Variants in RIPOR2 observed in about 807,000 individuals in gnomAD.
RIPOR2 encodes RHO family interacting cell polarization regulator 2.
A neutral mutation model predicts 114.5 loss-of-function variants in RIPOR2; 39 were observed. The observed-to-expected ratio is 0.34, with a 90% confidence interval of 0.26 to 0.44. The LOEUF (loss-of-function observed/expected upper bound fraction) is 0.44, where lower values mean the gene tolerates loss of function less well. Ranked by LOEUF, RIPOR2 falls within the 20% of genes least tolerant of loss-of-function variation. The pLI is 1.00. For synonymous variants in RIPOR2, 445 were observed against 484.4 expected (o/e 0.92, Z 1.07); for missense variants, 1,007 against 1,255.1 (o/e 0.80, Z 2.99).
chr6:24,973,595 CAAA>C (rs61341684), intron 1 of RIPOR2, among the ~76,000 whole-genome samples: 6 of 129,338 alleles, frequency 4.6e-5, no homozygotes, highest in South Asian at 2.7e-4. Context: ...GACTGCATCT[CAAA>C]AAAAAAAAAA....
At chr6:24,926,367 A>G (rs1210428612) in intron 1 of RIPOR2, among the ~76,000 whole-genome samples, 1 of 152,202 alleles carries the variant, frequency 6.6e-6, no homozygotes, top group East Asian at 1.9e-4. Flanking sequence ...CCTCTACACA[A>G]TAAAACTGCC....
At chr6:24,872,750 G>A in intron 4 of RIPOR2, 131 bp downstream of exon 4, 2 of 590,594 alleles carry the variant, frequency 3.4e-6, no homozygotes, top group South Asian at 4.6e-5. Context: ...AAGACATACT[G>A]GGGGATGCAG....
At chr6:24,943,545 G>A (rs1260503491) in intron 1 of RIPOR2, among the ~76,000 whole-genome samples, 8 of 152,106 alleles carry the variant, frequency 5.3e-5, no homozygotes, top group Non-Finnish European at 8.8e-5. Context: ...CTGGGAAAAT[G>A]GCCAGTATCG....
chr6:24,866,334 C>T (rs1194357115), intron 6 of RIPOR2, among the ~76,000 whole-genome samples: 1 of 152,080 alleles, frequency 6.6e-6, no homozygotes, highest in African/African-American at 2.4e-5. Context: ...TCATATAAGC[C>T]TGATAATCAG....
intron 18 of RIPOR2, 40 bp from the exon 19 acceptor site, chr6:24,825,468 G>T: frequency 7.1e-7 from 1 of 1,400,878 alleles, no homozygotes; most frequent in Non-Finnish European, 9.9e-7. Flanking sequence ...GTTCTGACAT[G>T]CTAAAGTAAT....
chr6:25,016,987 C>T (rs780466876), intron 1 of RIPOR2, among the ~76,000 whole-genome samples: 2 of 152,162 alleles, frequency 1.3e-5, no homozygotes, highest in Non-Finnish European at 2.9e-5. Context: ...CCAGAGATTG[C>T]AAACCAGCAT....
chr6:24,963,309 A>G (rs1773388013), intron 1 of RIPOR2, among the ~76,000 whole-genome samples: 1 of 152,210 alleles, frequency 6.6e-6, no homozygotes, highest in African/African-American at 2.4e-5. Flanking sequence ...CTGGGATTAC[A>G]GGCATGAGTC....
chr6:24,910,765 G>A, intron 1 of RIPOR2: 2 of 972,606 alleles, frequency 2.1e-6, no homozygotes, highest in Non-Finnish European at 2.4e-6. Flanking sequence ...AGACCTCACC[G>A]CGTTGTACGC....
chr6:24,825,292 G>A lies in RIPOR2; in HGVS notation c.2802C>T (p.Asn934=), dbSNP rs185947117. ...TLALLLTRED[N]EVSEAVTLYL... ...AAAGCGTCACAGCCTCACTAACTTC[G>A]TTGTCCTCTCTGGTTAATAGCAGAG... The change falls in exon 19 of 22, where the codon AAC becomes AAT. Residue 934 remains asparagine, a synonymous_variant. Coordinates refer to ENST00000643898, the MANE Select transcript of RIPOR2 (RefSeq NM_001286445.3). The A allele has an allele frequency of 4.1e-4, 630 of 1,551,692 alleles. 4 individuals carry two copies. The African/African-American group carries it at 6.0e-3, about 15-fold the overall frequency.
At position 24,849,793 on chromosome 6, in the gene RIPOR2, G is replaced by A. The variant is rs1359640505; in HGVS notation, c.1034+9C>T. 1.9e-6 allele frequency: 3 copies of A among 1,611,656 alleles called. No homozygotes were observed. In the East Asian group the frequency reaches 6.7e-5, roughly 36 times the overall value. Reference sequence around the variant, plus strand: ...TTCTATATGATGAAATAAAGGAAGAGGCACTTACTACCAGGTGATTTCCAG... The same window carrying A: ...TTCTATATGATGAAATAAAGGAAGAAGCACTTACTACCAGGTGATTTCCAG... On this transcript the variant is annotated intron_variant, in intron 11 of 21. Coordinates refer to ENST00000643898, the MANE Select transcript of RIPOR2 (RefSeq NM_001286445.3).
intron 1 of RIPOR2, among the ~76,000 whole-genome samples, chr6:25,005,692 GAGAT>G (rs1294829308): frequency 3.5e-4 from 16 of 45,586 alleles, no homozygotes; most frequent in South Asian, 9.8e-4. Flanking sequence ...AATCCCTATG[GAGAT>G]ATATATATAT....
At chr6:24,821,632 C>T (rs190803337) in intron 19 of RIPOR2, among the ~76,000 whole-genome samples, 23 of 152,310 alleles carry the variant, frequency 1.5e-4, no homozygotes, top group Non-Finnish European at 7.4e-5. Flanking sequence ...CTTTTGAAAA[C>T]CTCTCTCTGG....
At position 24,850,644 on chromosome 6, in the gene RIPOR2, C is replaced by T. The variant is rs776972653; in HGVS notation, c.838G>A (p.Glu280Lys). ...ATCAGGGGCAGAAAAACTGTTTCTT[C>T]TCCATCCCAGCTCTGCTTGCCATTT... ...EVNGKQSWDGEETVFLPLIVG... is the reference protein window; with the variant it reads ...EVNGKQSWDGKETVFLPLIVG... The change falls in exon 10 of 22, where the codon GAA (glutamate) becomes AAA (lysine). Residue 280 changes from glutamate to lysine, a missense_variant. By Grantham distance (56) the Glu-to-Lys change is moderately conservative. Coordinates refer to ENST00000643898, the MANE Select transcript of RIPOR2 (RefSeq NM_001286445.3). 3.1e-6 allele frequency: 5 copies of T among 1,613,928 alleles called. No individual in the cohort carries two copies. The highest frequency in any genetic ancestry group is 1.3e-5 in the African/African-American group (1 of 75,030).
chr6:24,936,132 G>A (rs1771791492), upstream of RIPOR2: 2 of 484,530 alleles, frequency 4.1e-6, no homozygotes, highest in Non-Finnish European at 7.4e-6. Context: ...ATTTTTTGAA[G>A]AGGGCTGCAG....
At chr6:24,849,692 C>T (rs1246388516) in intron 11 of RIPOR2, 110 bp downstream of exon 11, 22 of 1,013,550 alleles carry the variant, frequency 2.2e-5, no homozygotes, top group Non-Finnish European at 1.8e-5. Context: ...CGAGATTCTG[C>T]TTTTCATAAC....
intron 1 of RIPOR2, among the ~76,000 whole-genome samples, chr6:24,993,325 T>C (rs1322398722): frequency 1.3e-5 from 2 of 152,276 alleles, no homozygotes; most frequent in African/African-American, 4.8e-5. Flanking sequence ...GCCTTTACCA[T>C]TATGTAATGC....
intron 1 of RIPOR2, among the ~76,000 whole-genome samples, chr6:24,931,028 A>G (rs1171675837): frequency 1.3e-5 from 2 of 152,208 alleles, no homozygotes; most frequent in Non-Finnish European, 2.9e-5. Flanking sequence ...TACTTTTTCC[A>G]TGGAGGGTAT....
At chr6:24,900,495 C>A (rs987727319) in intron 1 of RIPOR2, among the ~76,000 whole-genome samples, 1 of 152,200 alleles carries the variant, frequency 6.6e-6, no homozygotes. Flanking sequence ...GTGGTGGCTC[C>A]CACCTGTAAT....
intron 13 of RIPOR2, chr6:24,839,935 C>CTTTTTTTTTTTTTTTTTTTTTTTTTTTT (rs760508182): frequency 3.1e-6 from 1 of 318,834 alleles, no homozygotes; most frequent in Non-Finnish European, 3.8e-6. Flanking sequence ...AGCCCTGCAT[C>CTTTTTTTTTTTTTTTTTTTTTTTTTTTT]TTTTTTTTTT....
Sources: allele counts gnomAD v4.1 joint callset (sites outside exome capture counted in the v4.1 genomes callset), GRCh38; gene constraint gnomAD v4.1.1; transcripts MANE v1.5; gene names NCBI Gene and HGNC (gene_info 2026-07-23, HGNC 2026-07-21).